Variants in TXNDC5 observed in about 807,000 individuals in gnomAD.
TXNDC5 encodes the protein thioredoxin domain containing 5.
A neutral mutation model predicts 52.6 loss-of-function variants in TXNDC5; 44 were observed. The ratio of observed to expected loss-of-function variants is 0.84; its 90% CI spans 0.66 to 1.08. TXNDC5 has a LOEUF of 1.08. TXNDC5 is among the 50% of genes least tolerant of loss of function. The probability of loss-of-function intolerance (pLI) is 0.00; values close to 1 mark genes in which losing one functional copy is unlikely to be tolerated. For synonymous variants in TXNDC5, 241 were observed against 234.4 expected (o/e 1.03, Z -0.26); for missense variants, 600 against 565.5 (o/e 1.06, Z -0.62).
intron 2 of TXNDC5, among the ~76,000 whole-genome samples, chr6:7,902,342 C>A (rs968274510): frequency 3.3e-5 from 5 of 152,226 alleles, no homozygotes; most frequent in African/African-American, 1.2e-4. Context: ...TGATTCATGA[C>A]TGGCCCAACA....
rs1759818363 is a variant in TXNDC5, at chr6:7,882,954, A to T, written c.*190T>A. ...CCATGAGTTACACATTTACTTAGAG[A>T]AACTTAACTTAATAAAGAATCTGTA... On this transcript the variant is annotated 3_prime_UTR_variant, in exon 10 of 10. Coordinates refer to ENST00000379757, the MANE Select transcript of TXNDC5 (RefSeq NM_030810.5). 1.5e-6 allele frequency: 1 copy of T among 676,256 alleles called. No homozygotes were observed. The highest frequency in any genetic ancestry group is 1.8e-5 in the African/African-American group (1 of 55,710). 41.9% of individuals were successfully genotyped at this position (676,256 alleles called of 1,614,324 possible).
chr6:7,893,333 A>G (rs1581316454), intron 4 of TXNDC5, among the ~76,000 whole-genome samples: 1 of 152,266 alleles, frequency 6.6e-6, no homozygotes, highest in Non-Finnish European at 1.5e-5. Flanking sequence ...ACTTCCTTTA[A>G]AAGTTAACAA....
At chr6:7,908,794 G>GT (rs1201689686) in intron 1 of TXNDC5, among the ~76,000 whole-genome samples, 1 of 152,106 alleles carries the variant, frequency 6.6e-6, no homozygotes, top group Non-Finnish European at 1.5e-5. Context: ...CTGCGGCTGC[G>GT]TACCACTGGT....
At chr6:7,892,061 T>G (rs945778816) in intron 4 of TXNDC5, among the ~76,000 whole-genome samples, 5 of 152,218 alleles carry the variant, frequency 3.3e-5, no homozygotes, top group African/African-American at 1.2e-4. Context: ...AGGTGATAAA[T>G]GAGGGTGAGT....
intron 5 of TXNDC5, among the ~76,000 whole-genome samples, chr6:7,890,981 A>T (rs566527784): frequency 6.6e-6 from 1 of 152,312 alleles, no homozygotes; most frequent in African/African-American, 2.4e-5. Context: ...TTACTTTTGG[A>T]TACAAATCAG....
At chr6:7,908,640 A>G (rs1036044795) in intron 1 of TXNDC5, among the ~76,000 whole-genome samples, 1 of 152,108 alleles carries the variant, frequency 6.6e-6, no homozygotes, top group Non-Finnish European at 1.5e-5. Flanking sequence ...CCGGCAACAT[A>G]GCGAGACCCT....
chr6:7,891,831 C>T, intron 4 of TXNDC5, 95 bp from the exon 5 acceptor site: 1 of 858,192 alleles, frequency 1.2e-6, no homozygotes, highest in Non-Finnish European at 1.9e-6. Flanking sequence ...AGATCTTTGT[C>T]CTGCTTAGCA....
Position 7,884,478 on chromosome 6 carries a change from A to G in TXNDC5, c.1057T>C (p.Cys353Arg). ...TCCCAAGTAGGAGCCAGAGTCTTACAATGACCACACCTAAGACGAGAAAAA... is the reference window on the plus strand; with the variant it reads ...TCCCAAGTAGGAGCCAGAGTCTTACGATGACCACACCTAAGACGAGAAAAA... ...IKFYAPWCGH[C>R]KTLAPTWEEL... is the part of the protein sequence containing the mutation. Residue 353 changes from cysteine to arginine, a missense_variant, in exon 9 of 10, where the codon TGT becomes CGT. Coordinates refer to ENST00000379757, the MANE Select transcript of TXNDC5 (RefSeq NM_030810.5). 6.2e-7 allele frequency: 1 copy of G among 1,614,100 alleles called. No homozygotes were observed. The highest frequency in any genetic ancestry group is 1.1e-5 in the South Asian group (1 of 91,080).
chr6:7,910,472 A>T (rs1365595336), intron 1 of TXNDC5, 42 bp downstream of exon 1: 1 of 1,366,974 alleles, frequency 7.3e-7, no homozygotes, highest in Non-Finnish European at 9.5e-7. Flanking sequence ...CGCCCCGCGA[A>T]GCGCCAAGTG....
intron 1 of TXNDC5, among the ~76,000 whole-genome samples, chr6:7,905,352 T>TGG (rs1760698888): frequency 2.0e-5 from 3 of 152,150 alleles, no homozygotes; most frequent in Non-Finnish European, 4.4e-5. Flanking sequence ...TATAACCAAA[T>TGG]GGCTACAAAC....
In TXNDC5 at chr6:7,888,845, C is replaced by G; in HGVS notation, c.823G>C (p.Asp275His). Residue 275 changes from aspartate (D) to histidine (H), a missense_variant, in exon 7 of 10, where the codon GAT becomes CAT. Asp to His is a moderately conservative substitution (Grantham distance 81). Transcript: ENST00000379757. ...AAATCCCGCTTTCCCTTGTACTGAT[C>G]CACCTGGCCAAGACACGGGCACGCG... The part of the protein sequence containing the change: ...LLWFRDGKKV[D>H]QYKGKRDLES... 1.2e-6 allele frequency: 2 copies of G among 1,607,906 alleles called. No individual in the cohort carries two copies. Among genetic ancestry groups the G allele is most frequent in the Non-Finnish European group, 1.7e-6 (2 of 1,176,972 alleles).
Position 7,891,734 on chromosome 6 carries a change from C to G in TXNDC5, c.619G>C (p.Asp207His). 6.2e-7 allele frequency: 1 copy of G among 1,612,670 alleles called. No homozygotes were observed. Among genetic ancestry groups the G allele is most frequent in the Non-Finnish European group, 8.5e-7 (1 of 1,179,122 alleles). Residue 207 changes from aspartate (D) to histidine (H), a missense_variant and splice_region_variant, in exon 5 of 10, where the codon GAC becomes CAC. Asp to His is a moderately conservative substitution (Grantham distance 81). Coordinates refer to ENST00000379757, the MANE Select transcript of TXNDC5 (RefSeq NM_030810.5). ...GGAGCGAAGAACTTGATAAAGTGGTCGCCTGGAGTGGAGAGCCAAGGCAGA... is the reference window on the plus strand; with the variant it reads ...GGAGCGAAGAACTTGATAAAGTGGTGGCCTGGAGTGGAGAGCCAAGGCAGA... The part of the protein sequence containing the change: ...SNFELHVAQG[D>H]HFIKFFAPWC...
At chr6:7,904,276 G>A (rs1204109634) in intron 2 of TXNDC5, among the ~76,000 whole-genome samples, 1 of 152,144 alleles carries the variant, frequency 6.6e-6, no homozygotes, top group Non-Finnish European at 1.5e-5. Context: ...CAAAACTGAT[G>A]ACAGTCCATG....
At chr6:7,897,167 C>T (rs420901) in intron 3 of TXNDC5, among the ~76,000 whole-genome samples, 117,485 of 152,108 alleles carry the variant, frequency 0.77, 46,275 homozygotes, top group East Asian at 0.98. Context: ...ACATGATCAA[C>T]ATAAAGACCA....
At chr6:7,888,586 A>C in intron 7 of TXNDC5, 119 bp downstream of exon 7, 2 of 1,302,936 alleles carry the variant, frequency 1.5e-6, no homozygotes, top group East Asian at 5.0e-5. Context: ...CCATCAGATG[A>C]CTGTGTCCCC....
chr6:7,884,581 T>C (rs1288789772), intron 8 of TXNDC5, 93 bp from the exon 9 acceptor site: 4 of 1,558,458 alleles, frequency 2.6e-6, no homozygotes, highest in Non-Finnish European at 3.5e-6. Flanking sequence ...TTCTTCTGTA[T>C]GGGACAGTCA....
In TXNDC5 at chr6:7,885,946, TAAAC is replaced by T. The variant is rs769414035; in HGVS notation, c.1046+11_1046+14del. ...ACACATGGACAAAGTAGTTTCTAAT[TAAAC>T]AGCCACTTACCATGGAGCATAAAAC... On this transcript the variant is annotated intron_variant, in intron 8 of 9. Coordinates refer to ENST00000379757, the MANE Select transcript of TXNDC5 (RefSeq NM_030810.5). 6.2e-7 allele frequency: 1 copy of T among 1,613,338 alleles called. No individual in the cohort carries two copies. The highest frequency in any genetic ancestry group is 1.3e-5 in the African/African-American group (1 of 74,980).
intron 4 of TXNDC5, chr6:7,894,781 C>T: frequency 1.0e-6 from 1 of 985,442 alleles, no homozygotes; most frequent in Non-Finnish European, 1.2e-6. Flanking sequence ...TGCAGTATCT[C>T]CAAAGTGCAA....
At chr6:7,910,383 T>G in intron 1 of TXNDC5, 131 bp downstream of exon 1, 10 of 998,268 alleles carry the variant, frequency 1.0e-5, no homozygotes, top group Non-Finnish European at 9.9e-6. Flanking sequence ...CCCGCGCCCG[T>G]AGCACGCACG....
Sources: allele counts gnomAD v4.1 joint callset (sites outside exome capture counted in the v4.1 genomes callset), GRCh38; gene constraint gnomAD v4.1.1; transcripts MANE v1.5; gene names NCBI Gene and HGNC (gene_info 2026-07-23, HGNC 2026-07-21).